The following RPL18A variants were observed in gnomAD, a reference collection of about 807,000 sequenced individuals.
The protein encoded by RPL18A is ribosomal protein L18a.
For synonymous variants in RPL18A, 122 were observed against 96.9 expected (o/e 1.26, Z -1.52); for missense variants, 163 against 254.1 (o/e 0.64, Z 2.44).
chr19:17,861,202 C>A, intron 1 of RPL18A, 91 bp from the exon 2 acceptor site: 1 of 1,253,158 alleles, frequency 8.0e-7, no homozygotes, highest in Non-Finnish European at 1.1e-6. Context: ...CTTCCCGAAT[C>A]TGTGGTCACT....
intron 1 of RPL18A, chr19:17,860,180 G>T: frequency 1.9e-6 from 1 of 526,032 alleles, no homozygotes; most frequent in Non-Finnish European, 3.3e-6. Context: ...GGCCAGCTCA[G>T]GGATCGCGGG....
rs1015921555 is a variant in RPL18A at position 17,863,086 on chromosome 19, TG to T, written c.438+65del. ...TGCCTGCTCTGACGCAGGAGCCCAG[TG>T]GGGGGCGGCTACACCTTGGTGGCCC... On this transcript the variant is annotated intron_variant, in intron 4 of 4. Coordinates refer to ENST00000222247, the MANE Select transcript of RPL18A (RefSeq NM_000980.4). The T allele has an allele frequency of 3.7e-5, 58 of 1,553,810 alleles. 1 individual carries two copies. In the African/African-American group the frequency reaches 4.6e-4, roughly 12 times the overall value.
chr19:17,861,892 G>C lies in RPL18A; in HGVS notation c.199-202G>C, dbSNP rs546423395. 6.2e-4 allele frequency: 378 copies of C among 612,768 alleles called. 1 individual carries two copies. In the Middle Eastern group the frequency reaches 7.6e-3, roughly 12 times the overall value. 38.0% of individuals were successfully genotyped at this position (612,768 alleles called of 1,614,324 possible). ...GTGGCAGAAGCCTGGACTTCAGGCT[G>C]TTGCCATGGGAAGTTCCCTTACCTC... is the stretch of plus-strand genomic sequence containing the variant. On this transcript the variant is annotated intron_variant, in intron 2 of 4. Transcript: ENST00000222247.
intron 1 of RPL18A, 40 bp downstream of exon 1, chr19:17,860,014 G>A (rs2094274194): frequency 6.7e-7 from 1 of 1,489,574 alleles, no homozygotes; most frequent in African/African-American, 1.5e-5. Context: ...AAGGGATGGG[G>A]CACGGGCCCC....
intron 3 of RPL18A, 161 bp downstream of exon 3, chr19:17,862,384 G>C (rs1330577264): frequency 1.2e-6 from 1 of 846,958 alleles, no homozygotes; most frequent in Non-Finnish European, 1.9e-6. Context: ...GCGCTTTTCT[G>C]AGAGCCCTGC....
chr19:17,862,912 C>G lies in RPL18A; in HGVS notation c.329-6C>G, dbSNP rs910596146. The G allele has an allele frequency of 1.2e-6, 2 of 1,606,800 alleles. No homozygotes were observed. Among genetic ancestry groups the G allele is most frequent in the Non-Finnish European group, 1.7e-6 (2 of 1,174,674 alleles). On this transcript the variant is annotated splice_region_variant and splice_polypyrimidine_tract_variant and intron_variant, in intron 3 of 4. Transcript: ENST00000222247. ...ACCGTCACCCTGGCCCCGCTCCTTT[C>G]CACAGACCGAGACATGGGTGCCCGG...
intron 3 of RPL18A, 29 bp from the exon 4 acceptor site, chr19:17,862,889 C>A (rs368869642): frequency 1.3e-6 from 2 of 1,504,558 alleles, no homozygotes; most frequent in East Asian, 2.3e-5. Flanking sequence ...CAGGCAACAC[C>A]GTCACCCTGG....
chr19:17,860,862 C>T (rs1003841554), intron 1 of RPL18A: 1 of 187,732 alleles, frequency 5.3e-6, no homozygotes, highest in Non-Finnish European at 1.1e-5. Context: ...CTAGTTCTGC[C>T]TGGAATGGGC....
Position 17,862,099 on chromosome 19 carries a change from T to C in RPL18A, c.204T>C (p.Phe68=), listed in dbSNP as rs1264027843. ...CTGTGGCCTCTCCTTGGCAGGTGTTTGAGAAGTCCCCCCTGCGGGTGAAGA... is the reference window on the plus strand; with the variant it reads ...CTGTGGCCTCTCCTTGGCAGGTGTTCGAGAAGTCCCCCCTGCGGGTGAAGA... ...SGEIVYCGQV[F]EKSPLRVKNF... Residue 68 remains phenylalanine (F), a synonymous_variant, in exon 3 of 5, where the codon TTT becomes TTC. Transcript: ENST00000222247. 1.9e-6 allele frequency: 3 copies of C among 1,611,950 alleles called. No individual in the cohort carries two copies. Among genetic ancestry groups the C allele is most frequent in the Non-Finnish European group, 1.7e-6 (2 of 1,179,828 alleles).
Position 17,859,931 on chromosome 19 carries a change from G to A in RPL18A, c.-26G>A. ...CGACAGAGGACACTTCCTTTTGCGGGTGGCGGCGAACGCGGAGAGCACGCC... is the reference window on the plus strand; with the variant it reads ...CGACAGAGGACACTTCCTTTTGCGGATGGCGGCGAACGCGGAGAGCACGCC... On this transcript the variant is annotated 5_prime_UTR_variant, in exon 1 of 5. In the 5' UTR this introduces an upstream ATG that the reference lacks. Transcript: ENST00000222247. 6.5e-7 allele frequency: 1 copy of A among 1,543,906 alleles called. No individual in the cohort carries two copies.
At chr19:17,862,509 A>T in intron 3 of RPL18A, 1 of 697,146 alleles carries the variant, frequency 1.4e-6, no homozygotes, top group Non-Finnish European at 2.6e-6. Context: ...AACCGAATTG[A>T]ACCCCTGCCT....
At chr19:17,862,537 C>T (rs1214372532) in intron 3 of RPL18A, 3 of 703,692 alleles carry the variant, frequency 4.3e-6, no homozygotes, top group Non-Finnish European at 7.9e-6. Context: ...GGAGCTGGCA[C>T]CTTTTCCCTG....
At position 17,859,945 on chromosome 19, in the gene RPL18A, G is replaced by C. The variant is rs753639665; in HGVS notation, c.-12G>C. On this transcript the variant is annotated 5_prime_UTR_variant, in exon 1 of 5. Transcript: ENST00000222247. ...TCCTTTTGCGGGTGGCGGCGAACGC[G>C]GAGAGCACGCCATGAAGGCCTCGGG... is the stretch of plus-strand genomic sequence containing the variant. 5.8e-6 allele frequency: 9 copies of C among 1,543,420 alleles called. No individual in the cohort carries two copies. Among genetic ancestry groups the C allele is most frequent in the African/African-American group, 2.8e-5 (2 of 71,770 alleles).
Position 17,862,226 on chromosome 19 carries a change from A to G in RPL18A, c.328+3A>G, listed in dbSNP as rs114362876. 3.8e-4 allele frequency: 610 copies of G among 1,612,946 alleles called. 3 individuals carry two copies. The African/African-American group carries it at 7.3e-3, about 19-fold the overall frequency. On this transcript the variant is annotated splice_donor_region_variant and intron_variant, in intron 3 of 4. Transcript: ENST00000222247. Reference sequence around the variant, plus strand: ...CGCAGGCGCTGTCACCCAGTGCTGTAAGCTGCCTGTCCCGCCTCCAGCTTT... The same window carrying G: ...CGCAGGCGCTGTCACCCAGTGCTGTGAGCTGCCTGTCCCGCCTCCAGCTTT...
chr19:17,862,554 C>T, intron 3 of RPL18A: 1 of 699,748 alleles, frequency 1.4e-6, no homozygotes, highest in South Asian at 1.4e-5. Context: ...CCTGGCTCAC[C>T]TGCCAGGGTC....
chr19:17,861,587 T>A (rs2094277462), intron 2 of RPL18A, 115 bp downstream of exon 2: 8 of 781,468 alleles, frequency 1.0e-5, no homozygotes, highest in Middle Eastern at 3.1e-4. Context: ...ACGCCTGTAA[T>A]CCCATCACAT....
intron 3 of RPL18A, chr19:17,862,571 A>AC: frequency 1.4e-6 from 1 of 700,468 alleles, no homozygotes; most frequent in Non-Finnish European, 2.6e-6. Flanking sequence ...GGTCTGTGAG[A>AC]CCCCCACACC....
In RPL18A at chr19:17,861,492, A is replaced by C. The variant is rs111339452; in HGVS notation, c.198+20A>C. On this transcript the variant is annotated intron_variant, in intron 2 of 4. Coordinates refer to ENST00000222247, the MANE Select transcript of RPL18A (RefSeq NM_000980.4). ...GGGCAGGTATGGAGAGGCCGGGGCT[A>C]CGTGGGGTCTGGAGTGGATTTGCGC... 7.7e-5 allele frequency: 120 copies of C among 1,558,534 alleles called. No homozygotes were observed. The African/African-American group carries it at 1.4e-3, about 19-fold the overall frequency.
intron 1 of RPL18A, 134 bp downstream of exon 1, chr19:17,860,108 C>T: frequency 1.4e-6 from 1 of 733,072 alleles, no homozygotes; most frequent in South Asian, 2.2e-5. Flanking sequence ...GCCGCCTTCT[C>T]TTGTTGCACC....
Sources: gnomAD v4.1 joint callset for allele counts on GRCh38, gnomAD v4.1.1 for gene constraint, MANE v1.5 for transcripts, NCBI Gene and HGNC (gene_info 2026-07-23, HGNC 2026-07-21) for gene names.